CTNNA2: variants seen among roughly 807,000 people sequenced by gnomAD.
CTNNA2 encodes catenin alpha 2.
In CTNNA2, 42 loss-of-function variants were observed where a neutral mutation model predicts 101.0. The ratio of observed to expected loss-of-function variants is 0.42; its 90% CI spans 0.32 to 0.54. The LOEUF (loss-of-function observed/expected upper bound fraction) is 0.54, where lower values mean the gene tolerates loss of function less well. Ranked by LOEUF, CTNNA2 falls within the 20% of genes least tolerant of loss-of-function variation. The probability of loss-of-function intolerance (pLI) is 0.14; values close to 1 mark genes in which losing one functional copy is unlikely to be tolerated. For synonymous variants in CTNNA2, 450 were observed against 456.4 expected (o/e 0.99, Z 0.18); for missense variants, 871 against 1,223.1 (o/e 0.71, Z 4.29).
At chr2:79,995,719 G>A (rs1435182239) in intron 7 of CTNNA2, among the ~76,000 whole-genome samples, 4 of 152,082 alleles carry the variant, frequency 2.6e-5, no homozygotes, top group Non-Finnish European at 4.4e-5. Context: ...TGGCTGAGGT[G>A]GGAGGATCCT....
intron 1 of CTNNA2, among the ~76,000 whole-genome samples, chr2:79,571,626 A>C (rs1333784477): frequency 1.3e-5 from 2 of 152,124 alleles, no homozygotes; most frequent in Admixed American, 1.3e-4. Flanking sequence ...TAAAATTCCA[A>C]AAACACTTTG....
In CTNNA2 at chr2:80,548,203, C is replaced by T. The variant is rs1231260889; in HGVS notation, c.1540+2140C>T. Among the ~76,000 whole-genome samples, 4 of 152,194 alleles carry T rather than the reference C, an allele frequency of 2.6e-5. No homozygotes were observed. In the East Asian group the frequency reaches 7.8e-4, roughly 30 times the overall value. On this transcript the variant is annotated intron_variant, in intron 11 of 18. Coordinates refer to ENST00000402739, the MANE Select transcript of CTNNA2 (RefSeq NM_001282597.3). ...GTTTTTTTCCAGGATAACTATGGTG[C>T]TCCAAATAGGAGCCCTTTCCAACCA...
At chr2:79,401,359 T>C (rs1402093581) in intron 4 of CTNNA2, among the ~76,000 whole-genome samples, 1 of 151,506 alleles carries the variant, frequency 6.6e-6, no homozygotes, top group Non-Finnish European at 1.5e-5. Flanking sequence ...AAAACACTTT[T>C]CTTCTCCTAT....
chr2:80,037,672 G>C (rs745574337), intron 7 of CTNNA2, among the ~76,000 whole-genome samples: 2 of 152,160 alleles, frequency 1.3e-5, no homozygotes, highest in Admixed American at 6.5e-5. Flanking sequence ...GATTAAATGA[G>C]ATAGTGTATA....
chr2:79,444,568 C>T lies in CTNNA2; in HGVS notation c.-134-60486C>T, dbSNP rs149056976. On this transcript the variant is annotated intron_variant, in intron 4 of 21. Coordinates refer to the CTNNA2 transcript ENST00000466387. ...TTATTTCCCTTGCTGCTTCTGTCTG[C>T]CTTTCCTTCCCTGCCTCTCCACCCT... 4.1e-3 allele frequency among the ~76,000 whole-genome samples: 621 copies of T among 152,166 alleles called. 5 individuals are homozygous for T. The highest frequency in any genetic ancestry group is 4.3e-3 in the Non-Finnish European group (294 of 67,994).
chr2:79,197,932 C>G (rs2104173620), intron 1 of CTNNA2: 1 of 152,400 alleles, frequency 6.6e-6, no homozygotes, highest in Middle Eastern at 3.4e-3. Flanking sequence ...TGCCACCACG[C>G]CCAGCTAATT....
chr2:80,462,980 G>A lies in CTNNA2; in HGVS notation c.1290+43379G>A, dbSNP rs80109024. On this transcript the variant is annotated intron_variant, in intron 9 of 18. Transcript: ENST00000402739. The stretch of plus-strand genomic sequence containing the variant: ...GTCTATTTTTCCTCCCTACTTAGTC[G>A]GCACACTGATTATTCCAGATTCTAT... Among the ~76,000 whole-genome samples the A allele has an allele frequency of 7.5e-3, 1,132 of 151,924 alleles. 14 individuals are homozygous for A. The highest frequency in any genetic ancestry group is 0.025 in the African/African-American group (1,034 of 41,418).
intron 8 of CTNNA2, among the ~76,000 whole-genome samples, chr2:80,399,141 A>G (rs1678323298): frequency 6.7e-6 from 1 of 149,526 alleles, no homozygotes; most frequent in South Asian, 2.1e-4. Flanking sequence ...CAAACTCCTG[A>G]CCTCAATACC....
In CTNNA2 at chr2:80,606,414, C is replaced by CACACACACACACACACACCCA. The variant is rs1558638318; in HGVS notation, c.2296-1770_2296-1769insACACACACACACACACACCCA. 1.5e-4 allele frequency among the ~76,000 whole-genome samples: 8 copies of CACACACACACACACACACCCA among 51,634 alleles called. No homozygotes were observed. In the South Asian group the frequency reaches 2.0e-3, roughly 13 times the overall value. The allele number at this position is 51,634 out of a possible 152,430, so 33.9% of individuals were successfully genotyped here. A position where few individuals can be genotyped will look rare whatever the true frequency, so the allele number is the denominator to read the frequency against. On this transcript the variant is annotated intron_variant, in intron 16 of 18. Transcript: ENST00000402739. The stretch of plus-strand genomic sequence containing the variant: ...CACACACACACACACACACACACAC[C>CACACACACACACACACACCCA]CCCCAGGATACATTTATTTTGAGAT...
At chr2:80,004,586 A>G (rs1319177577) in intron 7 of CTNNA2, among the ~76,000 whole-genome samples, 22 of 152,160 alleles carry the variant, frequency 1.4e-4, no homozygotes. Context: ...TTTATGTTAG[A>G]GAGGAAGAGA....
At chr2:79,901,134 A>G (rs1685044491) in intron 6 of CTNNA2, among the ~76,000 whole-genome samples, 1 of 152,076 alleles carries the variant, frequency 6.6e-6, no homozygotes, top group African/African-American at 2.4e-5. Context: ...TCTGGTTTTC[A>G]TTGCTTTAAT....
chr2:80,087,120 A>G (rs1699492000), intron 7 of CTNNA2, among the ~76,000 whole-genome samples: 1 of 151,990 alleles, frequency 6.6e-6, no homozygotes, highest in Non-Finnish European at 1.5e-5. Context: ...TAGGCCTGTT[A>G]TAAAAGGCAG....
At chr2:80,529,089 G>A (rs1046949677) in intron 9 of CTNNA2, among the ~76,000 whole-genome samples, 3 of 152,174 alleles carry the variant, frequency 2.0e-5, no homozygotes, top group Non-Finnish European at 4.4e-5. Context: ...AGCATCTGGG[G>A]CAACTCATGT....
intron 11 of CTNNA2, among the ~76,000 whole-genome samples, chr2:80,552,135 C>A (rs1692611761): frequency 6.6e-6 from 1 of 151,890 alleles, no homozygotes; most frequent in Admixed American, 6.6e-5. Context: ...TTCCTGATGC[C>A]CCAAAACAAT....
intron 7 of CTNNA2, chr2:80,305,327 T>A: frequency 1.0e-6 from 1 of 985,386 alleles, no homozygotes; most frequent in Non-Finnish European, 1.2e-6. Context: ...CAAAAAGGTA[T>A]GTCTGTGTGC....
intron 7 of CTNNA2, among the ~76,000 whole-genome samples, chr2:80,018,523 T>A (rs1694311071): frequency 6.6e-6 from 1 of 152,108 alleles, no homozygotes; most frequent in Non-Finnish European, 1.5e-5. Flanking sequence ...ATGCCTATAA[T>A]CCCAGCACTT....
intron 3 of CTNNA2, among the ~76,000 whole-genome samples, chr2:79,851,675 T>A (rs1680714994): frequency 6.6e-6 from 1 of 151,594 alleles, no homozygotes; most frequent in South Asian, 2.1e-4. Context: ...TTAAGAGGAT[T>A]GGAAATTTTT....
At chr2:80,561,827 A>T (rs1167116319) in intron 12 of CTNNA2, among the ~76,000 whole-genome samples, 1 of 123,578 alleles carries the variant, frequency 8.1e-6, no homozygotes, top group African/African-American at 3.0e-5. Flanking sequence ...CGCCTGGCTA[A>T]TTTTTTTTTT....
intron 7 of CTNNA2, among the ~76,000 whole-genome samples, chr2:79,930,029 A>T (rs906298188): frequency 1.3e-5 from 2 of 151,930 alleles, no homozygotes; most frequent in Admixed American, 1.3e-4. Context: ...CTGAGGTTGG[A>T]AGTTTGAGAC....
Sources: allele counts gnomAD v4.1 joint callset (sites outside exome capture counted in the v4.1 genomes callset), GRCh38; gene constraint gnomAD v4.1.1; transcripts MANE v1.5; gene names NCBI Gene and HGNC (gene_info 2026-07-23, HGNC 2026-07-21).